CDH9: variants seen among roughly 807,000 people sequenced by gnomAD.
The protein encoded by CDH9 is cadherin 9.
A neutral mutation model predicts 70.9 loss-of-function variants in CDH9; 28 were observed. The ratio of observed to expected loss-of-function variants is 0.40; its 90% CI spans 0.29 to 0.54. The LOEUF is 0.54. CDH9 is among the 20% of genes least tolerant of loss of function. The pLI is 0.59. For synonymous variants in CDH9, 409 were observed against 343.1 expected (o/e 1.19, Z -2.12); for missense variants, 874 against 984.4 (o/e 0.89, Z 1.50).
intron 2 of CDH9, among the ~76,000 whole-genome samples, chr5:26,935,384 T>G (rs1162509012): frequency 1.3e-5 from 2 of 152,126 alleles, no homozygotes; most frequent in African/African-American, 4.8e-5. Context: ...ACATCCTACC[T>G]AATGCCATAA....
chr5:26,906,858 C>T lies in CDH9; in HGVS notation c.524-20G>A. Reference sequence around the variant, plus strand: ...ATGTACCTACATGAAACCCCCATCCCCAAACAGAGACATTTACATACTTCC... The same window carrying T: ...ATGTACCTACATGAAACCCCCATCCTCAAACAGAGACATTTACATACTTCC... On this transcript the variant is annotated intron_variant, in intron 3 of 11. Transcript: ENST00000231021. The T allele has an allele frequency of 6.3e-7, 1 of 1,582,140 alleles. No homozygotes were observed.
At chr5:26,905,876 C>T in intron 5 of CDH9, 83 bp downstream of exon 5, 2 of 987,426 alleles carry the variant, frequency 2.0e-6, no homozygotes, top group South Asian at 3.0e-5. Flanking sequence ...AGCAAAACTA[C>T]TAGTATGAAA....
At chr5:26,933,481 T>TA (rs983948114) in intron 2 of CDH9, among the ~76,000 whole-genome samples, 51 of 145,402 alleles carry the variant, frequency 3.5e-4, no homozygotes, top group African/African-American at 1.0e-3. Context: ...CCAGGCTAAC[T>TA]AAAAAAAAAA....
Position 26,881,214 on chromosome 5 carries a change from A to G in CDH9, c.2292T>C (p.Tyr764=), listed in dbSNP as rs747743675. ...ESLTADCNQD[Y]DYLSDWGPRF... ...GAGGCCCCCAGTCACTGAGGTAATC[A>G]TAATCTTGGTTACAATCAGCTGTGA... Residue 764 remains tyrosine (Y), a synonymous_variant, in exon 12 of 12, where the codon TAT becomes TAC. Coordinates refer to ENST00000231021, the MANE Select transcript of CDH9 (RefSeq NM_016279.4). The G allele has an allele frequency of 6.2e-7, 1 of 1,613,398 alleles. No individual in the cohort carries two copies. The highest frequency in any genetic ancestry group is 1.1e-5 in the South Asian group (1 of 91,074).
At chr5:26,959,085 G>T (rs372525613) in intron 2 of CDH9, among the ~76,000 whole-genome samples, 3 of 152,002 alleles carry the variant, frequency 2.0e-5, no homozygotes, top group Admixed American at 2.0e-4. Context: ...ATAATAAGAA[G>T]AATTATTTGC....
intron 2 of CDH9, among the ~76,000 whole-genome samples, chr5:26,937,544 A>T (rs1317386550): frequency 6.6e-6 from 1 of 152,152 alleles, no homozygotes; most frequent in Admixed American, 6.6e-5. Context: ...ATGAATATGT[A>T]TAGCAACTTT....
chr5:27,031,005 A>G (rs1453091821), intron 1 of CDH9, among the ~76,000 whole-genome samples: 2 of 151,806 alleles, frequency 1.3e-5, no homozygotes, highest in Non-Finnish European at 2.9e-5. Context: ...GCAGGCTAAC[A>G]TTGGTTACAA....
At chr5:26,913,533 T>C (rs1741090754) in intron 3 of CDH9, among the ~76,000 whole-genome samples, 1 of 152,112 alleles carries the variant, frequency 6.6e-6, no homozygotes, top group African/African-American at 2.4e-5. Context: ...AGGTAGTGAA[T>C]GCAACTGACA....
At position 26,906,762 on chromosome 5, in the gene CDH9, G is replaced by A. The variant is rs369818577; in HGVS notation, c.600C>T (p.Ser200=). 64 of 1,613,038 alleles carry A rather than the reference G, an allele frequency of 4.0e-5. No individual in the cohort carries two copies. Among genetic ancestry groups the A allele is most frequent in the Admixed American group, 8.3e-5 (5 of 59,968 alleles). ...NYGNSAKVVY[S]ILQGQPYFSV... ...AAAAATATGGCTGTCCTTGCAATATGCTATAGACCACTTTGGCACTATTTC... is the reference window on the plus strand; with the variant it reads ...AAAAATATGGCTGTCCTTGCAATATACTATAGACCACTTTGGCACTATTTC... Residue 200 remains serine (S), a synonymous_variant, in exon 4 of 12, where the codon AGC becomes AGT. Transcript: ENST00000231021.
At chr5:26,941,670 G>C (rs1239594542) in intron 2 of CDH9, among the ~76,000 whole-genome samples, 1 of 152,216 alleles carries the variant, frequency 6.6e-6, no homozygotes, top group Admixed American at 6.5e-5. Context: ...CTTTCACAGA[G>C]CAGGTAATGT....
chr5:27,022,465 T>C (rs572114878), intron 1 of CDH9, among the ~76,000 whole-genome samples: 13 of 152,232 alleles, frequency 8.5e-5, no homozygotes, highest in African/African-American at 3.1e-4. Flanking sequence ...GTATCAAACA[T>C]AGCACAATGT....
intron 2 of CDH9, among the ~76,000 whole-genome samples, chr5:26,923,145 A>G (rs1178952176): frequency 6.6e-6 from 1 of 151,374 alleles, no homozygotes; most frequent in Non-Finnish European, 1.5e-5. Context: ...AGAAAGACAA[A>G]GCAATCTATT....
At position 26,963,770 on chromosome 5, in the gene CDH9, A is replaced by T. The variant is rs192308657; in HGVS notation, c.228+24336T>A. On this transcript the variant is annotated intron_variant, in intron 2 of 11. Coordinates refer to ENST00000231021, the MANE Select transcript of CDH9 (RefSeq NM_016279.4). ...ATACATCATTTCAATGGATATTATGATGTAATTCCCAGAGATTAGGAAACT... is the reference window on the plus strand; with the variant it reads ...ATACATCATTTCAATGGATATTATGTTGTAATTCCCAGAGATTAGGAAACT... Among the ~76,000 whole-genome samples the T allele has an allele frequency of 4.3e-3, 651 of 152,242 alleles. 13 individuals carry two copies. Among genetic ancestry groups the T allele is most frequent in the East Asian group, 0.011 (58 of 5,172 alleles).
intron 1 of CDH9, among the ~76,000 whole-genome samples, chr5:27,038,100 A>G (rs1743425121): frequency 6.6e-6 from 1 of 152,030 alleles, no homozygotes; most frequent in African/African-American, 2.4e-5. Context: ...ATAATCACAT[A>G]CATGAACACA....
intron 2 of CDH9, among the ~76,000 whole-genome samples, chr5:26,954,311 T>C (rs1045300574): frequency 1.3e-5 from 2 of 152,008 alleles, no homozygotes; most frequent in East Asian, 3.9e-4. Context: ...TTCCTTCATT[T>C]GTGATTGTCA....
chr5:26,900,966 C>T (rs1403051411), intron 7 of CDH9, among the ~76,000 whole-genome samples: 1 of 151,920 alleles, frequency 6.6e-6, no homozygotes, highest in Non-Finnish European at 1.5e-5. Flanking sequence ...TCTAATAAAC[C>T]CTCATACAAA....
At chr5:26,965,740 A>G (rs1246024134) in intron 2 of CDH9, among the ~76,000 whole-genome samples, 1 of 152,030 alleles carries the variant, frequency 6.6e-6, no homozygotes, top group Admixed American at 6.6e-5. Context: ...GAAATGAAGA[A>G]CACAGAGTGA....
At chr5:26,986,757 G>A (rs1049104554) in intron 2 of CDH9, among the ~76,000 whole-genome samples, 1 of 151,968 alleles carries the variant, frequency 6.6e-6, no homozygotes, top group South Asian at 2.1e-4. Context: ...AGCTGAACTT[G>A]AATTTCCTGA....
At chr5:27,006,681 A>G (rs1003114900) in intron 1 of CDH9, among the ~76,000 whole-genome samples, 2 of 152,092 alleles carry the variant, frequency 1.3e-5, no homozygotes, top group African/African-American at 4.8e-5. Flanking sequence ...GTCCTTCCCA[A>G]TGATTGCATT....
Sources: allele counts gnomAD v4.1 joint callset (sites outside exome capture counted in the v4.1 genomes callset), GRCh38; gene constraint gnomAD v4.1.1; transcripts MANE v1.5; gene names NCBI Gene and HGNC (gene_info 2026-07-23, HGNC 2026-07-21).